The following MTSS1 variants were observed in gnomAD, a reference collection of about 807,000 sequenced individuals.
MTSS1 encodes the protein protein MTSS 1.
In MTSS1, 18 loss-of-function variants were observed where a neutral mutation model predicts 79.0. The observed-to-expected ratio is 0.23, with a 90% CI of 0.16 to 0.34. MTSS1 has a LOEUF of 0.34. MTSS1 is among the 10% of genes least tolerant of loss of function. The pLI is 1.00. For synonymous variants in MTSS1, 341 were observed against 368.6 expected (o/e 0.93, Z 0.86); for missense variants, 815 against 986.2 (o/e 0.83, Z 2.33).
At chr8:124,703,024 G>A (rs1313095861) in intron 2 of MTSS1, among the ~76,000 whole-genome samples, 2 of 152,080 alleles carry the variant, frequency 1.3e-5, no homozygotes, top group East Asian at 1.9e-4. Flanking sequence ...CTTTACGGAG[G>A]CATAATTTAC....
chr8:124,684,817 G>C (rs1391278249), intron 3 of MTSS1, among the ~76,000 whole-genome samples: 1 of 152,162 alleles, frequency 6.6e-6, no homozygotes, highest in Non-Finnish European at 1.5e-5. Context: ...TCAAAGAAAT[G>C]TTCTTAAAGA....
At chr8:124,640,668 T>C (rs1817865714) in intron 3 of MTSS1, among the ~76,000 whole-genome samples, 1 of 152,254 alleles carries the variant, frequency 6.6e-6, no homozygotes, top group Admixed American at 6.5e-5. Flanking sequence ...CTCAGCCTCC[T>C]GAGTAGCTGG....
At chr8:124,696,724 G>A (rs1587857385) in intron 3 of MTSS1, among the ~76,000 whole-genome samples, 1 of 152,016 alleles carries the variant, frequency 6.6e-6, no homozygotes. Flanking sequence ...GATGGTGGGC[G>A]CCTGTAATCC....
At chr8:124,603,588 T>C (rs1157286172) in intron 3 of MTSS1, among the ~76,000 whole-genome samples, 1 of 152,138 alleles carries the variant, frequency 6.6e-6, no homozygotes. Flanking sequence ...CATGGAGAGA[T>C]GGACAACCAG....
chr8:124,555,495 C>G (rs1336663953), intron 13 of MTSS1, among the ~76,000 whole-genome samples: 1 of 152,202 alleles, frequency 6.6e-6, no homozygotes, highest in African/African-American at 2.4e-5. Context: ...ATCCACCTGC[C>G]TTGGCCTCCC....
chr8:124,663,627 T>C (rs1822504035), intron 3 of MTSS1, among the ~76,000 whole-genome samples: 1 of 152,174 alleles, frequency 6.6e-6, no homozygotes, highest in South Asian at 2.1e-4. Flanking sequence ...CCCCTGCATA[T>C]GTGGCTCCTT....
chr8:124,709,617 C>A (rs1482953888), intron 1 of MTSS1, among the ~76,000 whole-genome samples: 1 of 152,208 alleles, frequency 6.6e-6, no homozygotes, highest in African/African-American at 2.4e-5. Flanking sequence ...GTTGAAAATA[C>A]AACTCAGATT....
chr8:124,633,831 G>C (rs1816488477), intron 3 of MTSS1, among the ~76,000 whole-genome samples: 1 of 151,370 alleles, frequency 6.6e-6, no homozygotes, highest in Admixed American at 6.6e-5. Flanking sequence ...AGTAATGTTT[G>C]TTGATCCTAG....
Position 124,634,801 on chromosome 8 carries a change from G to A in MTSS1, c.209-43566C>T, listed in dbSNP as rs892078300. ...CAGCAGAATCACCTGGGAGTGTGAC[G>A]GAAATGCAGTGTCCTGGGGACCCAT... On this transcript the variant is annotated intron_variant, in intron 3 of 13. Coordinates refer to ENST00000518547, the MANE Select transcript of MTSS1 (RefSeq NM_014751.6). Among the ~76,000 whole-genome samples, 4 of 152,262 alleles carry A rather than the reference G, an allele frequency of 2.6e-5. No individual in the cohort carries two copies. The East Asian group carries it at 5.8e-4, about 22-fold the overall frequency.
At chr8:124,554,822 G>A (rs1823240457) in intron 13 of MTSS1, among the ~76,000 whole-genome samples, 1 of 152,206 alleles carries the variant, frequency 6.6e-6, no homozygotes, top group African/African-American at 2.4e-5. Flanking sequence ...CATAAAGTGT[G>A]TAGTGCAAAG....
intron 3 of MTSS1, among the ~76,000 whole-genome samples, chr8:124,666,393 T>A (rs997914063): frequency 6.6e-6 from 1 of 152,226 alleles, no homozygotes; most frequent in African/African-American, 2.4e-5. Flanking sequence ...ACAAGCACGA[T>A]AGAGGGAAAA....
At chr8:124,570,047 A>AT (rs1227740632) in intron 6 of MTSS1, among the ~76,000 whole-genome samples, 1 of 152,224 alleles carries the variant, frequency 6.6e-6, no homozygotes, top group Non-Finnish European at 1.5e-5. Flanking sequence ...GTAGGAACAT[A>AT]TTCTGTATTT....
intron 3 of MTSS1, among the ~76,000 whole-genome samples, chr8:124,642,549 AGTT>A (rs1412318288): frequency 1.3e-5 from 2 of 152,172 alleles, no homozygotes; most frequent in African/African-American, 4.8e-5. Context: ...TGGAAATATG[AGTT>A]GTTAAGACAG....
intron 1 of MTSS1, among the ~76,000 whole-genome samples, chr8:124,720,814 G>T (rs189675428): frequency 1.3e-5 from 2 of 152,318 alleles, no homozygotes; most frequent in Non-Finnish European, 2.9e-5. Context: ...AATAGTAACT[G>T]CTTCTAACAT....
chr8:124,667,568 C>T (rs572030653), intron 3 of MTSS1, among the ~76,000 whole-genome samples: 2 of 152,184 alleles, frequency 1.3e-5, no homozygotes, highest in East Asian at 1.9e-4. Context: ...TGCTTGAACC[C>T]GGGAAGCAAA....
chr8:124,719,225 T>A (rs559052887), intron 1 of MTSS1, among the ~76,000 whole-genome samples: 9 of 152,200 alleles, frequency 5.9e-5, no homozygotes, highest in South Asian at 2.1e-4. Flanking sequence ...AGTTTCCCCA[T>A]CTGTAAAATG....
intron 3 of MTSS1, among the ~76,000 whole-genome samples, chr8:124,664,300 C>T (rs772816241): frequency 6.6e-6 from 1 of 152,164 alleles, no homozygotes; most frequent in Non-Finnish European, 1.5e-5. Context: ...GAGACACAGG[C>T]GTGGCTATCT....
intron 3 of MTSS1, among the ~76,000 whole-genome samples, chr8:124,596,911 A>G (rs918437566): frequency 6.6e-6 from 1 of 152,056 alleles, no homozygotes; most frequent in East Asian, 1.9e-4. Flanking sequence ...CTCTTCCTAT[A>G]AAGACCCCAG....
intron 3 of MTSS1, among the ~76,000 whole-genome samples, chr8:124,600,443 C>G (rs958344465): frequency 6.6e-6 from 1 of 152,324 alleles, no homozygotes; most frequent in African/African-American, 2.4e-5. Flanking sequence ...AAGCCTACAA[C>G]CCAGGTGTGA....
Sources: allele counts gnomAD v4.1 joint callset (sites outside exome capture counted in the v4.1 genomes callset), GRCh38; gene constraint gnomAD v4.1.1; transcripts MANE v1.5; gene names NCBI Gene and HGNC (gene_info 2026-07-23, HGNC 2026-07-21).